TASP1: variants seen among roughly 807,000 people sequenced by gnomAD.
The protein encoded by TASP1 is threonine aspartase 1.
A neutral mutation model predicts 56.6 loss-of-function variants in TASP1; 16 were observed. That is an observed-to-expected ratio of 0.28 (90% CI 0.19 to 0.43). The LOEUF is 0.43. Among genes scored for constraint, TASP1 ranks in the 20% least tolerant of loss-of-function variants. TASP1 has a pLI of 1.00. For missense variants in TASP1, 393 were observed against 511.6 expected (o/e 0.77, Z 2.24); for synonymous variants, 179 against 184.2 (o/e 0.97, Z 0.23).
intron 1 of TASP1, among the ~76,000 whole-genome samples, chr20:13,630,687 C>CAAAA (rs33973259): frequency 9.2e-5 from 6 of 65,542 alleles, no homozygotes; most frequent in South Asian, 6.2e-4. Flanking sequence ...AGCTCTGTCT[C>CAAAA]AAAAAAAAAA....
At chr20:13,487,206 C>T (rs999285834) in intron 10 of TASP1, among the ~76,000 whole-genome samples, 1 of 152,126 alleles carries the variant, frequency 6.6e-6, no homozygotes, top group Non-Finnish European at 1.5e-5. Context: ...ATGGACCTGA[C>T]CTTCATTTCT....
the TASP1 span, among the ~76,000 whole-genome samples, chr20:13,186,142 G>T: frequency 3.9e-5 from 6 of 152,198 alleles, no homozygotes; most frequent in African/African-American, 1.4e-4. Flanking sequence ...CCCAGTCTTA[G>T]AAGGGGGCCA....
At chr20:13,269,272 T>C in the TASP1 span, among the ~76,000 whole-genome samples, 4 of 152,182 alleles carry the variant, frequency 2.6e-5, no homozygotes, top group Non-Finnish European at 5.9e-5. Flanking sequence ...GTAAATCTTC[T>C]GTGAGAGGAG....
At chr20:13,305,509 T>C in the TASP1 span, among the ~76,000 whole-genome samples, 616 of 152,352 alleles carry the variant, frequency 4.0e-3, no homozygotes, top group Non-Finnish European at 7.2e-3. Flanking sequence ...GTCATTCATT[T>C]ACAATTTCCA....
the TASP1 span, among the ~76,000 whole-genome samples, chr20:13,302,816 G>A: frequency 4.6e-5 from 7 of 152,156 alleles, no homozygotes; most frequent in Non-Finnish European, 8.8e-5. Context: ...AGATGCCCAC[G>A]GCCCTCTAGT....
At chr20:13,182,141 C>T in the TASP1 span, among the ~76,000 whole-genome samples, 1 of 152,268 alleles carries the variant, frequency 6.6e-6, no homozygotes, top group Non-Finnish European at 1.5e-5. Flanking sequence ...CAGACTAAGC[C>T]CTGCCTTTTC....
At position 13,630,032 on chromosome 20, in the gene TASP1, C is replaced by A. The variant is rs1467485440; in HGVS notation, c.47G>T (p.Arg16Ile). The A allele has an allele frequency of 2.5e-6, 4 of 1,614,002 alleles. No individual in the cohort carries two copies. Among genetic ancestry groups the A allele is most frequent in the Admixed American group, 1.7e-5 (1 of 59,994 alleles). Residue 16 changes from arginine (R) to isoleucine (I), a missense_variant, in exon 2 of 14, where the codon AGA (arginine) becomes ATA (isoleucine). Coordinates refer to ENST00000337743, the MANE Select transcript of TASP1 (RefSeq NM_017714.3). ...GMSSGEGLPS[R>I]SSQVSAGKIT... ...TTTACCAGCCGAAACCTGAGATGAT[C>A]TGGAAGGCAGCCCTTCTCCAGAACT...
At chr20:13,370,515 G>A in the TASP1 span, among the ~76,000 whole-genome samples, 3 of 151,670 alleles carry the variant, frequency 2.0e-5, no homozygotes, top group African/African-American at 7.3e-5. Context: ...TTAATACTAA[G>A]GAAACTGAAA....
chr20:13,627,302 C>T (rs951609674), intron 2 of TASP1, among the ~76,000 whole-genome samples: 7 of 152,148 alleles, frequency 4.6e-5, no homozygotes, highest in African/African-American at 1.7e-4. Flanking sequence ...AAGATACACG[C>T]TTTTGCATAA....
At chr20:13,296,043 C>A in the TASP1 span, among the ~76,000 whole-genome samples, 1 of 152,312 alleles carries the variant, frequency 6.6e-6, no homozygotes, top group East Asian at 1.9e-4. Flanking sequence ...TTTTTGGACA[C>A]CCCTGGGGCT....
At chr20:13,381,568 C>T in the TASP1 span, among the ~76,000 whole-genome samples, 1 of 152,212 alleles carries the variant, frequency 6.6e-6, no homozygotes, top group East Asian at 1.9e-4. Flanking sequence ...ATTCTGATGC[C>T]ACAGGACTCT....
chr20:13,523,490 A>G (rs1601113521), intron 10 of TASP1, among the ~76,000 whole-genome samples: 1 of 152,298 alleles, frequency 6.6e-6, no homozygotes, highest in East Asian at 1.9e-4. Flanking sequence ...ACACAGTCCC[A>G]TAGACAATCT....
intron 10 of TASP1, among the ~76,000 whole-genome samples, chr20:13,524,374 T>C (rs1186469190): frequency 6.6e-6 from 1 of 152,168 alleles, no homozygotes. Flanking sequence ...AATTCAAATG[T>C]GGCAAATTGA....
chr20:13,482,982 TA>T (rs2043191682), intron 11 of TASP1, among the ~76,000 whole-genome samples: 1 of 152,182 alleles, frequency 6.6e-6, no homozygotes, highest in Non-Finnish European at 1.5e-5. Flanking sequence ...GTATTTATTC[TA>T]CTATATGAGA....
At chr20:13,169,540 T>C in the TASP1 span, among the ~76,000 whole-genome samples, 1 of 152,150 alleles carries the variant, frequency 6.6e-6, no homozygotes, top group Non-Finnish European at 1.5e-5. Flanking sequence ...CAAGTCAAAA[T>C]GACAAGGATG....
chr20:13,159,401 C>T, the TASP1 span, among the ~76,000 whole-genome samples: 2 of 152,076 alleles, frequency 1.3e-5, no homozygotes, highest in African/African-American at 2.4e-5. Flanking sequence ...ATCAGGAGAC[C>T]TTGCTATTTC....
At chr20:13,595,167 A>G (rs1306953819) in intron 4 of TASP1, among the ~76,000 whole-genome samples, 1 of 152,200 alleles carries the variant, frequency 6.6e-6, no homozygotes, top group African/African-American at 2.4e-5. Context: ...TTTACAGACA[A>G]GCAAATGCTG....
the TASP1 span, among the ~76,000 whole-genome samples, chr20:13,359,757 T>C: frequency 6.6e-6 from 1 of 151,960 alleles, no homozygotes; most frequent in Non-Finnish European, 1.5e-5. Context: ...TCTGCTTCCC[T>C]GACTATTCCT....
chr20:13,490,780 G>T (rs2043499008), intron 10 of TASP1, among the ~76,000 whole-genome samples: 1 of 152,072 alleles, frequency 6.6e-6, no homozygotes, highest in Non-Finnish European at 1.5e-5. Context: ...ATCCAGCAGG[G>T]TGACTTTGGG....
Sources: gnomAD v4.1 joint callset for allele counts (sites outside exome capture counted in the v4.1 genomes callset) on GRCh38, gnomAD v4.1.1 for gene constraint, MANE v1.5 for transcripts, NCBI Gene and HGNC (gene_info 2026-07-23, HGNC 2026-07-21) for gene names.